LMNTD2: variants seen among roughly 807,000 people sequenced by gnomAD.
LMNTD2 encodes the protein lamin tail domain containing 2, also known as lamin tail domain-containing protein 2.
In LMNTD2, 83 loss-of-function variants were observed where a neutral mutation model predicts 70.1. The observed-to-expected ratio is 1.18, with a 90% confidence interval of 0.99 to 1.42. The LOEUF is 1.42. LMNTD2 is among the 40% of genes most tolerant of loss of function. LMNTD2 has a pLI of 0.00. For synonymous variants in LMNTD2, 534 were observed against 406.1 expected (o/e 1.31, Z -3.79); for missense variants, 1,153 against 905.9 (o/e 1.27, Z -3.50).
chr11:559,232 G>A (rs571603513), intron 1 of LMNTD2: 77 of 1,490,112 alleles, frequency 5.2e-5, no homozygotes, highest in Middle Eastern at 1.7e-4. Flanking sequence ...GTCACCACCC[G>A]ACATGTCCCT....
intron 13 of LMNTD2, 52 bp downstream of exon 13, chr11:555,253 G>C: frequency 1.5e-6 from 2 of 1,292,536 alleles, no homozygotes; most frequent in Non-Finnish European, 9.9e-7. Context: ...GGAGAGGAGA[G>C]GAGGAGAACG....
chr11:559,399 CA>C, intron 1 of LMNTD2: 2 of 1,314,252 alleles, frequency 1.5e-6, no homozygotes, highest in Non-Finnish European at 2.0e-6. Context: ...ATACCGTTGC[CA>C]TGGATACCAG....
rs1283108720 is a variant in LMNTD2, at chr11:557,399, T to G, written c.713A>C (p.Lys238Thr). The change falls in exon 7 of 14, where the codon AAG (lysine) becomes ACG (threonine). Residue 238 changes from lysine (K) to threonine (T), a missense_variant and splice_region_variant. Transcript: ENST00000329451. ...FTNMEPSSKQKQPRPWPQLDT... is the reference protein window; with the variant it reads ...FTNMEPSSKQTQPRPWPQLDT... ...GGGAGTCCCTGCTCTGTGCAGTTAC[T>G]TTTGCTTTGAGCTGGGCTCCATGTT... The G allele has an allele frequency of 4.4e-6, 7 of 1,599,154 alleles. No individual in the cohort carries two copies. The highest frequency in any genetic ancestry group is 6.0e-6 in the Non-Finnish European group (7 of 1,172,440).
rs919168354 is a variant in LMNTD2 at position 558,160 on chromosome 11, C to A, written c.399+1G>T. ...GCCCACTCCCTGTGCCCCTGCCTCA[C>A]CCACTGGGCTCGCTCCTTCTGTTCC... is the stretch of plus-strand genomic sequence containing the variant. On this transcript the variant is annotated splice_donor_variant, in intron 4 of 13. Transcript: ENST00000329451. LOFTEE classifies it high-confidence loss of function. The A allele has an allele frequency of 5.6e-6, 9 of 1,613,176 alleles. No individual in the cohort carries two copies. The highest frequency in any genetic ancestry group is 7.6e-6 in the Non-Finnish European group (9 of 1,179,816).
intron 10 of LMNTD2, 28 bp downstream of exon 10, chr11:556,164 G>C (rs971066487): frequency 1.5e-6 from 2 of 1,317,520 alleles, no homozygotes; most frequent in South Asian, 2.2e-5. Context: ...CCGGGCCGTC[G>C]GGGCCGGGCT....
chr11:557,906 C>T lies in LMNTD2; in HGVS notation c.533G>A (p.Arg178Gln), dbSNP rs776743605. ...ARSSWVGRML[R>Q]SQTGSVEVVT... ...CACCTCCACACTGCCAGTCTGGGAT[C>T]GTAGCATGCGGCCCACCCACGAGGA... is the stretch of plus-strand genomic sequence containing the variant. Residue 178 changes from arginine to glutamine, a missense_variant, in exon 5 of 14, where the codon CGA becomes CAA. Coordinates refer to ENST00000329451, the MANE Select transcript of LMNTD2 (RefSeq NM_173573.3). 8 of 1,576,746 alleles carry T rather than the reference C, an allele frequency of 5.1e-6. No individual in the cohort carries two copies. Among genetic ancestry groups the T allele is most frequent in the Middle Eastern group, 2.2e-4 (1 of 4,632 alleles).
intron 12 of LMNTD2, 92 bp downstream of exon 12, chr11:555,636 AAGTAGG>A: frequency 8.0e-7 from 1 of 1,248,830 alleles, no homozygotes; most frequent in Non-Finnish European, 1.0e-6. Context: ...GGGCCTGGGG[AAGTAGG>A]GGTCCGTCCT....
rs1485938958 is a variant in LMNTD2, at chr11:555,875, G to A, written c.1433C>T (p.Ala478Val). 11 of 1,565,102 alleles carry A rather than the reference G, an allele frequency of 7.0e-6. No individual in the cohort carries two copies. Among genetic ancestry groups the A allele is most frequent in the African/African-American group, 1.4e-5 (1 of 70,504 alleles). Residue 478 changes from alanine (A) to valine (V), a missense_variant, in exon 12 of 14, where the codon GCC becomes GTC. Coordinates refer to ENST00000329451, the MANE Select transcript of LMNTD2 (RefSeq NM_173573.3). ...GTCGATGGACAAGTCGGTGCCGTCG[G>A]CGAAGACCCTCGGGGCCGGAGTCTC... ...RRETPAPRVF[A>V]DGTDLSIDRF...
rs1402253312 is a variant in LMNTD2 at position 558,724 on chromosome 11, C to T, written c.201G>A (p.Leu67=). The T allele has an allele frequency of 2.5e-6, 4 of 1,607,666 alleles. No homozygotes were observed. The highest frequency in any genetic ancestry group is 2.2e-5 in the South Asian group (2 of 90,340). ...GGATCTCCAGTTCTCGCTGTCTCCACAGCAGCCGCAGTGTGCGAGGGTCCA... is the reference window on the plus strand; with the variant it reads ...GGATCTCCAGTTCTCGCTGTCTCCATAGCAGCCGCAGTGTGCGAGGGTCCA... ...ESLDPRTLRL[L]WRQRELEIQA... The change falls in exon 3 of 14, where the codon CTG becomes CTA. Residue 67 remains leucine (L), a synonymous_variant. Coordinates refer to ENST00000329451, the MANE Select transcript of LMNTD2 (RefSeq NM_173573.3).
intron 3 of LMNTD2, 116 bp from the exon 4 acceptor site, chr11:558,364 G>A: frequency 7.9e-7 from 1 of 1,264,300 alleles, no homozygotes; most frequent in Admixed American, 2.2e-5. Context: ...GGCCCCAAGG[G>A]CACACAGTAC....
Position 558,238 on chromosome 11 carries a change from T to G in LMNTD2, c.322A>C (p.Ser108Arg), listed in dbSNP as rs1225378926. The change falls in exon 4 of 14, where the codon AGT (serine) becomes CGT (arginine). Residue 108 changes from serine (S) to arginine (R), a missense_variant. Physicochemically the swap from Ser to Arg is moderately radical, Grantham distance 110. Transcript: ENST00000329451. ...AGLPPKRSSH[S>R]QEKLLQNQVQ... ...TGGTTCTGCAGGAGTTTCTCCTGAC[T>G]GTGGGAGCTCCTGGAGGAGGGGTGA... 1 of 1,613,492 alleles carries G rather than the reference T, an allele frequency of 6.2e-7. No individual in the cohort carries two copies. The highest frequency in any genetic ancestry group is 1.3e-5 in the African/African-American group (1 of 75,064).
At position 558,962 on chromosome 11, in the gene LMNTD2, C is replaced by T; in HGVS notation, c.52G>A (p.Gly18Ser). 2 of 1,602,322 alleles carry T rather than the reference C, an allele frequency of 1.2e-6. No individual in the cohort carries two copies. Among genetic ancestry groups the T allele is most frequent in the Non-Finnish European group, 1.7e-6 (2 of 1,179,698 alleles). ...GRRREQESVSGHLGPPAGAPA... is the reference protein window; with the variant it reads ...GRRREQESVSSHLGPPAGAPA... ...GCGCCTGCTGGAGGTCCCAGGTGAC[C>T]ACTGACCGACTCTTGCTCTGTGGGG... The change falls in exon 2 of 14, where the codon GGT becomes AGT. Residue 18 changes from glycine (G) to serine (S), a missense_variant. Coordinates refer to ENST00000329451, the MANE Select transcript of LMNTD2 (RefSeq NM_173573.3).
chr11:556,214 A>G lies in LMNTD2; in HGVS notation c.1235T>C (p.Leu412Pro). 2 of 1,484,580 alleles carry G rather than the reference A, an allele frequency of 1.3e-6. No individual in the cohort carries two copies. Among genetic ancestry groups the G allele is most frequent in the South Asian group, 1.3e-5 (1 of 78,644 alleles). 92.0% of individuals were successfully genotyped at this position (1,484,580 alleles called of 1,614,324 possible). ...CACCGTGACGTGGTGCCGCGGGGCC[A>G]GCAGCGTGCCCGGCGGGAAGCGGTA... ...RLYRFPPGTL[L>P]APRHHVTVWG... Residue 412 changes from leucine (L) to proline (P), a missense_variant, in exon 10 of 14, where the codon CTG becomes CCG. Transcript: ENST00000329451.
chr11:556,759 G>A (rs919847566), intron 8 of LMNTD2, 76 bp downstream of exon 8: 2 of 1,462,674 alleles, frequency 1.4e-6, no homozygotes, highest in East Asian at 2.5e-5. Context: ...CACCTCCAGG[G>A]CTCTGAGTGA....
chr11:558,523 C>T, intron 3 of LMNTD2, 91 bp downstream of exon 3: 1 of 1,457,372 alleles, frequency 6.9e-7, no homozygotes, highest in Non-Finnish European at 9.2e-7. Context: ...TAAGGATCTG[C>T]CTCAGCGGTT....
intron 7 of LMNTD2, 139 bp from the exon 8 acceptor site, chr11:557,236 G>T: frequency 7.2e-7 from 1 of 1,388,340 alleles, no homozygotes. Flanking sequence ...GACAGTGATG[G>T]CTGCCTCAAC....
At position 557,633 on chromosome 11, in the gene LMNTD2, G is replaced by A. The variant is rs138095963; in HGVS notation, c.563C>T (p.Thr188Met). ...GCTTGGGTCCATCAGAGTCTCTGCCGTCACTACCTGCAAGAGGGGACCGGA... is the reference window on the plus strand; with the variant it reads ...GCTTGGGTCCATCAGAGTCTCTGCCATCACTACCTGCAAGAGGGGACCGGA... Reference protein sequence around the residue: ...RSQTGSVEVVTAETLMDPSDL... With the variant: ...RSQTGSVEVVMAETLMDPSDL... The change falls in exon 6 of 14, where the codon ACG becomes ATG. Residue 188 changes from threonine to methionine, a missense_variant. By Grantham distance (81) the Thr-to-Met change is moderately conservative. Coordinates refer to ENST00000329451, the MANE Select transcript of LMNTD2 (RefSeq NM_173573.3). The A allele has an allele frequency of 2.0e-4, 324 of 1,612,974 alleles. 1 individual carries two copies. Among genetic ancestry groups the A allele is most frequent in the South Asian group, 2.1e-4 (19 of 91,074 alleles).
chr11:560,307 G>C (rs1048673852), intron 1 of LMNTD2: 3 of 1,067,212 alleles, frequency 2.8e-6, no homozygotes, highest in Non-Finnish European at 3.4e-6. Flanking sequence ...CTTCCAGCCA[G>C]CTTCACTGTG....
In LMNTD2 at chr11:558,033, CCTT is replaced by C; in HGVS notation, c.403_405del (p.Lys135del). The C allele has an allele frequency of 1.9e-6, 3 of 1,580,136 alleles. No homozygotes were observed. Among genetic ancestry groups the C allele is most frequent in the African/African-American group, 2.7e-5 (2 of 74,350 alleles). On this transcript the variant is annotated inframe_deletion, in exon 5 of 14. Coordinates refer to ENST00000329451, the MANE Select transcript of LMNTD2 (RefSeq NM_173573.3). ...TGCAGCAGCCGCTCCTCCAGGTGCT[CCTT>C]CTCCTGCTCCGAGAGGGCCTGTGGT...
Sources: allele counts gnomAD v4.1 joint callset, GRCh38; gene constraint gnomAD v4.1.1; transcripts MANE v1.5; gene names NCBI Gene and HGNC (gene_info 2026-07-23, HGNC 2026-07-21).